The following FCRL5 variants were observed in gnomAD, a reference collection of about 807,000 sequenced individuals.
FCRL5 encodes the protein Fc receptor like 5.
A neutral mutation model predicts 92.1 loss-of-function variants in FCRL5; 79 were observed. That is an observed-to-expected ratio of 0.86 (90% CI 0.72 to 1.03). The LOEUF (loss-of-function observed/expected upper bound fraction) is 1.03. Ranked by LOEUF, FCRL5 falls within the 50% of genes least tolerant of loss-of-function variation. FCRL5 has a pLI of 0.00. For missense variants in FCRL5, 1,160 were observed against 1,181.1 expected (o/e 0.98, Z 0.26); for synonymous variants, 466 against 469.3 (o/e 0.99, Z 0.09).
intron 12 of FCRL5, 40 bp from the exon 13 acceptor site, chr1:157,519,810 G>A (rs1319122388): frequency 6.2e-7 from 1 of 1,609,732 alleles, no homozygotes; most frequent in Middle Eastern, 1.7e-4. Context: ...TCAGGAAGAT[G>A]AGACCCTCAG....
Position 157,547,105 on chromosome 1 carries a change from A to T in FCRL5, c.145T>A (p.Phe49Ile). 1 of 1,614,172 alleles carries T rather than the reference A, an allele frequency of 6.2e-7. No individual in the cohort carries two copies. The highest frequency in any genetic ancestry group is 1.1e-5 in the South Asian group (1 of 91,084). The stretch of plus-strand genomic sequence containing the variant: ...CATTTTGTTTTCTGTGGTGAGTAGA[A>T]GCGAAATCCCTTGCAAGTGAGGGTC... ...RVTLTCKGFR[F>I]YSPQKTKWYH... The change falls in exon 3 of 17, where the codon TTC becomes ATC. Residue 49 changes from phenylalanine to isoleucine, a missense_variant. Phe to Ile is a conservative substitution (Grantham distance 21, BLOSUM62 0). Coordinates refer to ENST00000361835, the MANE Select transcript of FCRL5 (RefSeq NM_031281.3).
intron 4 of FCRL5, 113 bp downstream of exon 4, chr1:157,544,718 G>A (rs1651446664): frequency 6.8e-7 from 1 of 1,460,330 alleles, no homozygotes; most frequent in Non-Finnish European, 9.5e-7. Context: ...TTGCAGGAAT[G>A]TGTCCTGTGG....
At chr1:157,524,690 A>AT (rs1356582584) in intron 9 of FCRL5, 133 bp from the exon 10 acceptor site, 3 of 995,008 alleles carry the variant, frequency 3.0e-6, no homozygotes, top group Non-Finnish European at 4.4e-6. Flanking sequence ...ACTCAGCAAT[A>AT]TTTTCAGATC....
In FCRL5 at chr1:157,520,441, C is replaced by G. The variant is rs760579872; in HGVS notation, c.2622G>C (p.Ser874=). Residue 874 remains serine, a synonymous_variant, in exon 12 of 17, where the codon TCG becomes TCC. Coordinates refer to ENST00000361835, the MANE Select transcript of FCRL5 (RefSeq NM_031281.3). ...AGALLLYCWL[S]RKAGRKPASD... ...CCCAGAGTCACCCACCTGCTTTTCT[C>G]GAGAGCCAGCAGTAGAGCAGCAGTG... 1.3e-6 allele frequency: 2 copies of G among 1,573,738 alleles called. No individual in the cohort carries two copies. Among genetic ancestry groups the G allele is most frequent in the South Asian group, 1.2e-5 (1 of 85,728 alleles).
At chr1:157,532,465 A>G (rs1216720058) in intron 8 of FCRL5, 1 of 152,182 alleles carries the variant, frequency 6.6e-6, no homozygotes, top group Non-Finnish European at 1.5e-5. Context: ...AATAACTCAC[A>G]ATTTACTCTG....
At chr1:157,550,948 C>T (rs1380238199) in intron 1 of FCRL5, among the ~76,000 whole-genome samples, 14 of 152,134 alleles carry the variant, frequency 9.2e-5, no homozygotes, top group Admixed American at 9.2e-4. Context: ...ACAAATCATC[C>T]CTGTCCACAT....
intron 7 of FCRL5, among the ~76,000 whole-genome samples, chr1:157,537,711 G>A (rs1008626030): frequency 5.3e-5 from 8 of 152,116 alleles, no homozygotes; most frequent in African/African-American, 1.9e-4. Flanking sequence ...GTCGCCCCCG[G>A]ACACCCAGCT....
rs1306228134 is a variant in FCRL5 at position 157,527,619 on chromosome 1, A to C, written c.1958T>G (p.Ile653Arg). 1 of 1,601,828 alleles carries C rather than the reference A, an allele frequency of 6.2e-7. No homozygotes were observed. Among genetic ancestry groups the C allele is most frequent in the East Asian group, 2.2e-5 (1 of 44,814 alleles). ...TGCTGCTGGTTAGGTCAACTTACCT[A>C]TAACACTGAGTGATATTGTGTCACT... ...QHSDTISLSV[I>R]VPVSRPILTF... The change falls in exon 9 of 17, where the codon ATA (isoleucine) becomes AGA (arginine). Residue 653 changes from isoleucine to arginine, a missense_variant and splice_region_variant. Physicochemically the swap from Ile to Arg is moderately conservative, Grantham distance 97 (BLOSUM62 -3). Transcript: ENST00000361835.
chr1:157,542,794 C>G, intron 6 of FCRL5, 65 bp downstream of exon 6: 1 of 1,554,260 alleles, frequency 6.4e-7, no homozygotes, highest in Non-Finnish European at 8.7e-7. Context: ...TGCTGACTTC[C>G]GAAGGGCAGG....
intron 7 of FCRL5, among the ~76,000 whole-genome samples, chr1:157,538,128 C>T (rs1005032856): frequency 6.6e-6 from 1 of 152,144 alleles, no homozygotes; most frequent in African/African-American, 2.4e-5. Context: ...ATCATGATGT[C>T]CCTGTCTCCA....
chr1:157,550,469 A>G (rs1651763864), intron 1 of FCRL5, among the ~76,000 whole-genome samples: 1 of 152,172 alleles, frequency 6.6e-6, no homozygotes, highest in South Asian at 2.1e-4. Context: ...CATCATGCCT[A>G]ATTTTTAAAC....
rs200207392 is a variant in FCRL5 at position 157,545,165 on chromosome 1, T to A, written c.308-83A>T. The stretch of plus-strand genomic sequence containing the variant: ...TTGTTTTTCCAAGTAGATTTTATTT[T>A]AAAAAAATGGGTTGGGAAAAAGAAC... On this transcript the variant is annotated intron_variant, in intron 3 of 16. Coordinates refer to ENST00000361835, the MANE Select transcript of FCRL5 (RefSeq NM_031281.3). 215 of 1,471,014 alleles carry A rather than the reference T, an allele frequency of 1.5e-4. No homozygotes were observed. The East Asian group carries it at 4.7e-3, about 32-fold the overall frequency. The allele number at this position is 1,471,014 out of a possible 1,614,324, so 91.1% of individuals were successfully genotyped here. A position where few individuals can be genotyped will look rare whatever the true frequency, so the allele number is the denominator to read the frequency against.
Position 157,515,619 on chromosome 1 carries a change from C to A in FCRL5, c.*56G>T. 1.2e-6 allele frequency: 2 copies of A among 1,613,984 alleles called. No individual in the cohort carries two copies. Among genetic ancestry groups the A allele is most frequent in the African/African-American group, 2.7e-5 (2 of 75,054 alleles). On this transcript the variant is annotated 3_prime_UTR_variant, in exon 17 of 17. Transcript: ENST00000361835. ...TTCCCACTTCAATGCTGCTTCTCCC[C>A]CAAGGGGAACTTTGGGGTGCAGAGG... is the stretch of plus-strand genomic sequence containing the variant.
chr1:157,541,114 C>G (rs1651239329), intron 6 of FCRL5, among the ~76,000 whole-genome samples: 1 of 152,168 alleles, frequency 6.6e-6, no homozygotes, highest in Non-Finnish European at 1.5e-5. Flanking sequence ...TTGCCTTATC[C>G]AAACCAGCTC....
intron 12 of FCRL5, 111 bp from the exon 13 acceptor site, chr1:157,519,881 T>C (rs538374266): frequency 9.7e-5 from 109 of 1,122,544 alleles, no homozygotes; most frequent in Middle Eastern, 2.4e-4. Flanking sequence ...CACTGAAGGT[T>C]GAATCCTTCT....
chr1:157,552,309 C>T, intron 1 of FCRL5, 23 bp downstream of exon 1: 1 of 1,612,388 alleles, frequency 6.2e-7, no homozygotes, highest in Non-Finnish European at 8.5e-7. Context: ...CACCCAGGGC[C>T]CATGGTGAGC....
rs762493022 is a variant in FCRL5, at chr1:157,546,968, G to T, written c.282C>A (p.Ser94Arg). The T allele has an allele frequency of 2.0e-5, 33 of 1,613,998 alleles. No individual in the cohort carries two copies. Among genetic ancestry groups the T allele is most frequent in the African/African-American group, 2.7e-5 (2 of 74,922 alleles). Reference sequence around the variant, plus strand: ...CTGAAGAAAAATCCAAGTGCACAGGGCTACTGAGAGGGGAGCCCTGGGCCT... The same window carrying T: ...CTGAAGAAAAATCCAAGTGCACAGGTCTACTGAGAGGGGAGCCCTGGGCCT... ...RCQAQGSPLS[S>R]PVHLDFSSAS... Residue 94 changes from serine to arginine, a missense_variant, in exon 3 of 17, where the codon AGC becomes AGA. Ser to Arg is a moderately radical substitution (Grantham distance 110). Coordinates refer to ENST00000361835, the MANE Select transcript of FCRL5 (RefSeq NM_031281.3).
intron 3 of FCRL5, among the ~76,000 whole-genome samples, chr1:157,545,390 T>C (rs967107155): frequency 5.3e-5 from 8 of 152,130 alleles, no homozygotes; most frequent in African/African-American, 1.9e-4. Context: ...ATATTAATAT[T>C]TGTAGATTTG....
chr1:157,543,273 A>C (rs935748279), intron 5 of FCRL5, 136 bp from the exon 6 acceptor site: 3 of 786,170 alleles, frequency 3.8e-6, no homozygotes, highest in Non-Finnish European at 5.9e-6. Flanking sequence ...CCTTACCTGC[A>C]CCTGCTTCTT....
Sources: allele counts gnomAD v4.1 joint callset (sites outside exome capture counted in the v4.1 genomes callset), GRCh38; gene constraint gnomAD v4.1.1; transcripts MANE v1.5; gene names NCBI Gene and HGNC (gene_info 2026-07-23, HGNC 2026-07-21).